Variants in CDH22 observed in about 807,000 individuals in gnomAD.
The protein encoded by CDH22 is cadherin 22.
Under a neutral mutation model 58.4 loss-of-function variants are expected in CDH22, and 30 were observed. That is an observed-to-expected ratio of 0.51 (90% CI 0.38 to 0.70). The LOEUF (loss-of-function observed/expected upper bound fraction) is 0.70. Among genes scored for constraint, CDH22 ranks in the 30% least tolerant of loss-of-function variants. The probability of loss-of-function intolerance (pLI) is 0.00; values close to 1 mark genes in which losing one functional copy is unlikely to be tolerated. For missense variants in CDH22, 1,014 were observed against 1,233.9 expected (o/e 0.82, Z 2.67); for synonymous variants, 513 against 558.2 (o/e 0.92, Z 1.14).
chr20:46,199,449 T>C lies in CDH22; in HGVS notation c.1397A>G (p.Asn466Ser). 1.2e-6 allele frequency: 2 copies of C among 1,613,006 alleles called. No individual in the cohort carries two copies. Among genetic ancestry groups the C allele is most frequent in the Non-Finnish European group, 1.7e-6 (2 of 1,180,002 alleles). The change falls in exon 8 of 12, where the codon AAC becomes AGC. Residue 466 changes from asparagine (N) to serine (S), a missense_variant. This residue lies in a region of CDH22 where 806 missense variants were observed against 1,038.7 expected (regional missense o/e 0.78). Transcript: ENST00000537909. ...CGCCTCCATGGCCAGCACTGTGATG[T>C]TGTGCCAGCCGGCCGTCTCGCGGTC... Reference protein sequence around the residue: ...GLDRETAGWHNITVLAMEADN... With the variant: ...GLDRETAGWHSITVLAMEADN...
rs935176783 is a variant in CDH22, at chr20:46,232,489, C to T, written c.551-4862G>A. ...AAGCACTTTGGAAAAGAACAGAGTT[C>T]TCAGCCGAGGTGACCACATGTCATT... is the stretch of plus-strand genomic sequence containing the variant. On this transcript the variant is annotated intron_variant, in intron 3 of 11. Transcript: ENST00000537909. 2.0e-5 allele frequency among the ~76,000 whole-genome samples: 3 copies of T among 152,326 alleles called. No homozygotes were observed. In the East Asian group the frequency reaches 5.8e-4, roughly 29 times the overall value.
At chr20:46,255,317 C>A (rs2086401084) in intron 1 of CDH22, among the ~76,000 whole-genome samples, 2 of 152,148 alleles carry the variant, frequency 1.3e-5, no homozygotes, top group Admixed American at 1.3e-4. Context: ...TGGCCAAGAT[C>A]CCCACTTTAC....
intron 5 of CDH22, among the ~76,000 whole-genome samples, chr20:46,214,620 G>A (rs2086069493): frequency 6.6e-6 from 1 of 152,138 alleles, no homozygotes; most frequent in Non-Finnish European, 1.5e-5. Context: ...TGAAGTTCTT[G>A]TGATTCTGCA....
At chr20:46,303,448 G>A (rs1031413804) in intron 1 of CDH22, among the ~76,000 whole-genome samples, 3 of 152,208 alleles carry the variant, frequency 2.0e-5, no homozygotes, top group Non-Finnish European at 2.9e-5. Flanking sequence ...CCAGACTCCT[G>A]TCAGCTGGGA....
At chr20:46,227,699 C>T in intron 3 of CDH22, 72 bp from the exon 4 acceptor site, 3 of 1,529,406 alleles carry the variant, frequency 2.0e-6, no homozygotes, top group Non-Finnish European at 2.6e-6. Context: ...TTCGCCTCAC[C>T]CCAGGGAAGC....
rs142218967 is a variant in CDH22 at position 46,285,904 on chromosome 20, T to C, written c.-400+22351A>G. Among the ~76,000 whole-genome samples, 526 of 152,352 alleles carry C rather than the reference T, an allele frequency of 3.5e-3. 8 individuals are homozygous for C. Among genetic ancestry groups the C allele is most frequent in the Admixed American group, 0.021 (318 of 15,298 alleles). On this transcript the variant is annotated intron_variant, in intron 1 of 11. Transcript: ENST00000537909. The stretch of plus-strand genomic sequence containing the variant: ...ATTTTGAGCTGGGTGACCTTAGGCA[T>C]GTCTCTTCCTCCTCTGAGCCTTAGT...
chr20:46,258,246 G>A (rs924915674), intron 1 of CDH22, among the ~76,000 whole-genome samples: 5 of 152,072 alleles, frequency 3.3e-5, no homozygotes, highest in Non-Finnish European at 5.9e-5. Context: ...GTGTGGGTGG[G>A]CGATGGTCCC....
rs2085938784 is a variant in CDH22, at chr20:46,199,532, C to T, written c.1314G>A (p.Leu438=). ...VRYAIDRESD[L]DQIFDIDADT... is the part of the protein sequence containing the mutation. ...CCGCATCGATATCGAAGATCTGGTCCAAATCTGATTCGCGGTCAATGGCGT... is the reference window on the plus strand; with the variant it reads ...CCGCATCGATATCGAAGATCTGGTCTAAATCTGATTCGCGGTCAATGGCGT... The change falls in exon 8 of 12, where the codon TTG becomes TTA. Residue 438 remains leucine (L), a synonymous_variant. Transcript: ENST00000537909. 6.2e-7 allele frequency: 1 copy of T among 1,613,786 alleles called. No individual in the cohort carries two copies. The highest frequency in any genetic ancestry group is 8.5e-7 in the Non-Finnish European group (1 of 1,179,996).
intron 1 of CDH22, among the ~76,000 whole-genome samples, chr20:46,291,717 G>A (rs918010817): frequency 6.6e-6 from 1 of 152,252 alleles, no homozygotes; most frequent in Non-Finnish European, 1.5e-5. Flanking sequence ...GGCCACTTCT[G>A]CTCCTCTGCG....
chr20:46,242,522 C>T (rs1212431676), intron 2 of CDH22, among the ~76,000 whole-genome samples: 3 of 152,212 alleles, frequency 2.0e-5, no homozygotes, highest in East Asian at 1.9e-4. Flanking sequence ...CATACAAGGC[C>T]CTTAGCAGGT....
chr20:46,295,266 G>T lies in CDH22; in HGVS notation c.-400+12989C>A, dbSNP rs115376507. 4.9e-3 allele frequency among the ~76,000 whole-genome samples: 739 copies of T among 152,276 alleles called. 6 individuals are homozygous for T. Among genetic ancestry groups the T allele is most frequent in the African/African-American group, 0.017 (705 of 41,534 alleles). ...AATGTTTTTGCTTTGAGAATATCCT[G>T]TGCTCTCCCTATTCAGAAAGAGGCC... On this transcript the variant is annotated intron_variant, in intron 1 of 11. Coordinates refer to ENST00000537909, the MANE Select transcript of CDH22 (RefSeq NM_021248.3).
intron 1 of CDH22, among the ~76,000 whole-genome samples, chr20:46,264,696 C>A (rs1046674544): frequency 2.6e-5 from 4 of 152,048 alleles, no homozygotes; most frequent in African/African-American, 9.7e-5. Context: ...GACAGGCCTG[C>A]GTTTGGCTCT....
chr20:46,254,148 A>G (rs1401189109), intron 1 of CDH22, among the ~76,000 whole-genome samples: 1 of 152,208 alleles, frequency 6.6e-6, no homozygotes, highest in Non-Finnish European at 1.5e-5. Context: ...TCAGCGATCT[A>G]TCAGCAAAGA....
intron 7 of CDH22, among the ~76,000 whole-genome samples, chr20:46,203,539 C>A (rs1248599729): frequency 1.3e-5 from 2 of 152,196 alleles, no homozygotes; most frequent in Admixed American, 6.5e-5. Context: ...GTCTGCATTG[C>A]CCCCAGGCAA....
At position 46,212,922 on chromosome 20, in the gene CDH22, G is replaced by C. The variant is rs541758062; in HGVS notation, c.1032+73C>G. The C allele has an allele frequency of 3.2e-5, 41 of 1,287,884 alleles. No individual in the cohort carries two copies. In the African/African-American group the frequency reaches 5.4e-4, roughly 17 times the overall value. 79.8% of individuals were successfully genotyped at this position (1,287,884 alleles called of 1,614,324 possible). A position where few individuals can be genotyped will look rare whatever the true frequency, so the allele number is the denominator to read the frequency against. On this transcript the variant is annotated intron_variant, in intron 6 of 11. Transcript: ENST00000537909. ...TGAGTGGAGTGAGGTGGGGGTATTC[G>C]GCTGCCCAGAGGCCTCCCTGATCCT...
At chr20:46,185,130 TACACACACACACAC>T (rs11467388) in intron 10 of CDH22, among the ~76,000 whole-genome samples, 5 of 148,762 alleles carry the variant, frequency 3.4e-5, no homozygotes, top group South Asian at 2.2e-4. Context: ...CCCACACGCA[TACACACACACACAC>T]ACACACACAC....
At chr20:46,204,772 C>T (rs1055070599) in intron 7 of CDH22, among the ~76,000 whole-genome samples, 1 of 152,146 alleles carries the variant, frequency 6.6e-6, no homozygotes, top group African/African-American at 2.4e-5. Flanking sequence ...AGCAACAGCA[C>T]AAAATGCTGC....
intron 2 of CDH22, among the ~76,000 whole-genome samples, chr20:46,246,906 G>A (rs117523851): frequency 7.2e-5 from 11 of 152,114 alleles, no homozygotes; most frequent in Non-Finnish European, 1.3e-4. Flanking sequence ...AGCGTGGTAT[G>A]AGAGTGTGTG....
chr20:46,254,685 AAAG>A (rs1335679434), intron 1 of CDH22, among the ~76,000 whole-genome samples: 18 of 152,174 alleles, frequency 1.2e-4, no homozygotes, highest in African/African-American at 4.1e-4. Context: ...GAAGAAAAGT[AAAG>A]AAGGACGAAG....
Sources: gnomAD v4.1 joint callset for allele counts (sites outside exome capture counted in the v4.1 genomes callset) on GRCh38, gnomAD v4.1.1 for gene constraint, gnomAD v4.1.1 regional missense constraint, MANE v1.5 for transcripts, NCBI Gene and HGNC (gene_info 2026-07-23, HGNC 2026-07-21) for gene names.